SMCHD1: variants seen among roughly 807,000 people sequenced by gnomAD.
The protein encoded by SMCHD1 is structural maintenance of chromosomes flexible hinge domain-containing protein 1.
SMCHD1 carries 78 observed loss-of-function variants against 254.7 expected under a neutral mutation model. That is an observed-to-expected ratio of 0.31 (90% CI 0.26 to 0.37). The LOEUF (loss-of-function observed/expected upper bound fraction) is 0.37. Ranked by LOEUF, SMCHD1 falls within the 10% of genes least tolerant of loss-of-function variation. SMCHD1 has a pLI of 1.00. For missense variants in SMCHD1, 1,840 were observed against 2,408.1 expected, an observed-to-expected ratio of 0.76 and a Z score of 4.94; for synonymous variants, 766 against 794.9, an observed-to-expected ratio of 0.96 and a Z score of 0.61.
At chr18:2,696,509 C>G (rs576497539) in intron 8 of SMCHD1, among the ~76,000 whole-genome samples, 129 of 152,318 alleles carry the variant, frequency 8.5e-4, no homozygotes, top group South Asian at 4.8e-3. Flanking sequence ...AAATCACCCC[C>G]CTTCAACTCC....
chr18:2,779,847 A>G (rs1446762322), intron 44 of SMCHD1, among the ~76,000 whole-genome samples: 1 of 152,088 alleles, frequency 6.6e-6, no homozygotes, highest in Non-Finnish European at 1.5e-5. Flanking sequence ...AAAAATTGTT[A>G]AAGAGGTGGG....
At chr18:2,697,630 T>C (rs2074312409) in intron 9 of SMCHD1, among the ~76,000 whole-genome samples, 1 of 152,240 alleles carries the variant, frequency 6.6e-6, no homozygotes, top group Non-Finnish European at 1.5e-5. Context: ...TTGCTTACTT[T>C]ATATTTTTTA....
intron 7 of SMCHD1, among the ~76,000 whole-genome samples, chr18:2,693,685 G>A (rs565478153): frequency 1.3e-5 from 2 of 152,294 alleles, no homozygotes; most frequent in African/African-American, 4.8e-5. Context: ...AGGCTGGAGT[G>A]CAGTGGCGCG....
chr18:2,803,565 T>C lies in SMCHD1; in HGVS notation c.*1013T>C, dbSNP rs1367474325. On this transcript the variant is annotated 3_prime_UTR_variant, in exon 48 of 48. Coordinates refer to ENST00000320876, the MANE Select transcript of SMCHD1 (RefSeq NM_015295.3). Reference sequence around the variant, plus strand: ...GAAATGTATGTGTTTTTAAACCCTTTCTAAATATGCAGGCCATTAATAAAT... The same window carrying C: ...GAAATGTATGTGTTTTTAAACCCTTCCTAAATATGCAGGCCATTAATAAAT... 6.6e-6 allele frequency: 1 copy of C among 152,186 alleles called. No homozygotes were observed. The highest frequency in any genetic ancestry group is 1.5e-5 in the Non-Finnish European group (1 of 68,026). 9.4% of individuals were successfully genotyped at this position (152,186 alleles called of 1,614,324 possible). A position where few individuals can be genotyped will look rare whatever the true frequency, so the allele number is the denominator to read the frequency against.
intron 34 of SMCHD1, among the ~76,000 whole-genome samples, chr18:2,759,571 C>CTGTTTTTTTT (rs1204847128): frequency 1.4e-5 from 1 of 69,518 alleles, no homozygotes. Context: ...TTAATTCTCT[C>CTGTTTTTTTT]TTTTTTTTTT....
At chr18:2,772,618 G>A (rs1182384960) in intron 41 of SMCHD1, among the ~76,000 whole-genome samples, 4 of 152,226 alleles carry the variant, frequency 2.6e-5, no homozygotes, top group African/African-American at 9.6e-5. Context: ...TGTTTACTTA[G>A]AGATGCTTTC....
chr18:2,678,007 A>G (rs942293669), intron 5 of SMCHD1, among the ~76,000 whole-genome samples: 9 of 152,220 alleles, frequency 5.9e-5, no homozygotes, highest in Non-Finnish European at 4.4e-5. Flanking sequence ...ATTAATACCA[A>G]CGACATACTC....
At position 2,796,119 on chromosome 18, in the gene SMCHD1, C is replaced by G. The variant is rs148698681; in HGVS notation, c.5878+12C>G. The G allele has an allele frequency of 2.4e-4, 357 of 1,517,278 alleles. 2 individuals carry two copies. In the African/African-American group the frequency reaches 4.5e-3, roughly 19 times the overall value. The allele number at this position is 1,517,278 out of a possible 1,614,324, so 94.0% of individuals were successfully genotyped here. Reference sequence around the variant, plus strand: ...AGAGGAAAAACTAGGTAAGTCTTTGCTTTTTGTTAACTTCTACTTTCTTTA... The same window carrying G: ...AGAGGAAAAACTAGGTAAGTCTTTGGTTTTTGTTAACTTCTACTTTCTTTA... On this transcript the variant is annotated intron_variant, in intron 46 of 47. Coordinates refer to ENST00000320876, the MANE Select transcript of SMCHD1 (RefSeq NM_015295.3).
At chr18:2,715,079 G>T (rs1436565230) in intron 17 of SMCHD1, among the ~76,000 whole-genome samples, 1 of 152,098 alleles carries the variant, frequency 6.6e-6, no homozygotes, top group African/African-American at 2.4e-5. Context: ...ATATATTGTA[G>T]TGAGGCCTTT....
intron 37 of SMCHD1, 55 bp downstream of exon 37, chr18:2,763,844 C>T: frequency 6.6e-7 from 1 of 1,514,256 alleles, no homozygotes; most frequent in Non-Finnish European, 9.0e-7. Flanking sequence ...TGCTTTTAAC[C>T]ACCATATTAA....
intron 45 of SMCHD1, among the ~76,000 whole-genome samples, chr18:2,790,017 A>G (rs2076295291): frequency 6.6e-6 from 1 of 152,066 alleles, no homozygotes; most frequent in Admixed American, 6.5e-5. Context: ...CCCCGTCTCT[A>G]CTAAAAATAA....
intron 37 of SMCHD1, among the ~76,000 whole-genome samples, chr18:2,767,955 ATT>A (rs2143723184): frequency 6.6e-6 from 1 of 152,254 alleles, no homozygotes; most frequent in East Asian, 1.9e-4. Flanking sequence ...ACTGTAGGTA[ATT>A]TTAACATAAT....
intron 34 of SMCHD1, among the ~76,000 whole-genome samples, chr18:2,754,076 A>G (rs541827165): frequency 3.3e-5 from 5 of 152,188 alleles, no homozygotes; most frequent in Non-Finnish European, 7.3e-5. Context: ...TAGAGATACA[A>G]GCCTTTTGTT....
intron 47 of SMCHD1, among the ~76,000 whole-genome samples, chr18:2,797,913 G>A (rs950057749): frequency 4.6e-5 from 7 of 151,374 alleles, no homozygotes; most frequent in Admixed American, 2.6e-4. Context: ...GCATAACTCC[G>A]TCTCAAAAAA....
At chr18:2,697,238 T>C in intron 9 of SMCHD1, 116 bp downstream of exon 9, 1 of 519,426 alleles carries the variant, frequency 1.9e-6, no homozygotes, top group Non-Finnish European at 3.4e-6. Context: ...CTCCTTGTTT[T>C]TTACCAAACT....
At chr18:2,667,118 ATCT>A (rs879731320) in intron 3 of SMCHD1, 87 bp downstream of exon 3, 27 of 959,088 alleles carry the variant, frequency 2.8e-5, no homozygotes, top group Admixed American at 2.8e-4. Context: ...CTTTTTGTAA[ATCT>A]TCTTATTACA....
At chr18:2,770,131 C>T (rs1159832535) in intron 39 of SMCHD1, 23 bp downstream of exon 39, 5 of 1,591,960 alleles carry the variant, frequency 3.1e-6, no homozygotes, top group East Asian at 2.3e-5. Flanking sequence ...GTATTCAAGA[C>T]AAAAATTATG....
intron 29 of SMCHD1, 39 bp from the exon 30 acceptor site, chr18:2,747,483 A>G (rs1248679657): frequency 4.5e-6 from 7 of 1,548,250 alleles, no homozygotes; most frequent in Non-Finnish European, 6.2e-6. Context: ...TTTGGCCCAT[A>G]TATTTTAGTG....
intron 1 of SMCHD1, among the ~76,000 whole-genome samples, chr18:2,661,870 A>G (rs1382187994): frequency 6.6e-6 from 1 of 152,118 alleles, no homozygotes; most frequent in African/African-American, 2.4e-5. Flanking sequence ...TAAAAAATAA[A>G]GAAAGGCCGG....
Sources: gnomAD v4.1 joint callset for allele counts (sites outside exome capture counted in the v4.1 genomes callset) on GRCh38, gnomAD v4.1.1 for gene constraint, MANE v1.5 for transcripts, NCBI Gene and HGNC (gene_info 2026-07-23, HGNC 2026-07-21) for gene names.